Variants in PGBD5 observed in about 807,000 individuals in gnomAD.
PGBD5 encodes piggyBac transposable element derived 5, also known as piggyBac transposable element-derived protein 5.
Under a neutral mutation model 47.9 loss-of-function variants are expected in PGBD5, and 14 were observed. The ratio of observed to expected loss-of-function variants is 0.29; its 90% CI spans 0.19 to 0.46. The LOEUF is 0.46. PGBD5 is among the 20% of genes least tolerant of loss of function. PGBD5 has a pLI of 1.00. For missense variants in PGBD5, 635 were observed against 716.0 expected (o/e 0.89, Z 1.29); for synonymous variants, 316 against 306.3 (o/e 1.03, Z -0.33).
chr1:230,423,975 A>T (rs1222041490), intron 1 of PGBD5, among the ~76,000 whole-genome samples: 1 of 152,142 alleles, frequency 6.6e-6, no homozygotes, highest in East Asian at 1.9e-4. Context: ...GAAATATAAG[A>T]TGGATTTAAA....
intron 1 of PGBD5, among the ~76,000 whole-genome samples, chr1:230,361,384 G>C (rs1272314786): frequency 6.6e-6 from 1 of 152,086 alleles, no homozygotes; most frequent in Non-Finnish European, 1.5e-5. Context: ...CGGTGTCTGG[G>C]CTAGGATGAA....
intron 1 of PGBD5, among the ~76,000 whole-genome samples, chr1:230,370,492 G>A (rs1558202666): frequency 6.6e-6 from 1 of 152,196 alleles, no homozygotes; most frequent in East Asian, 1.9e-4. Flanking sequence ...GTGTTTATGT[G>A]CAGGCTTGTG....
At chr1:230,356,840 G>T (rs1039338956) in intron 2 of PGBD5, 54 bp downstream of exon 2, 6 of 1,566,660 alleles carry the variant, frequency 3.8e-6, no homozygotes, top group Admixed American at 3.5e-5. Context: ...GACAAGGCTA[G>T]GCCGAGAGAG....
At chr1:230,422,919 T>C (rs1476891591) in intron 1 of PGBD5, among the ~76,000 whole-genome samples, 1 of 151,760 alleles carries the variant, frequency 6.6e-6, no homozygotes, top group Non-Finnish European at 1.5e-5. Flanking sequence ...GGTGGGGGGA[T>C]GTGGCAACTC....
chr1:230,325,939 G>A (rs533964348), intron 5 of PGBD5, among the ~76,000 whole-genome samples: 4 of 144,982 alleles, frequency 2.8e-5, no homozygotes, highest in South Asian at 5.0e-4. Context: ...GAGTCACCCC[G>A]CACAGAGCAC....
intron 3 of PGBD5, among the ~76,000 whole-genome samples, chr1:230,347,927 G>T (rs1667500081): frequency 6.6e-6 from 1 of 152,160 alleles, no homozygotes; most frequent in African/African-American, 2.4e-5. Context: ...ATTTTCTCAT[G>T]GCCAGGGCAG....
At chr1:230,328,217 A>G (rs1040101148) in intron 5 of PGBD5, among the ~76,000 whole-genome samples, 1 of 152,130 alleles carries the variant, frequency 6.6e-6, no homozygotes, top group South Asian at 2.1e-4. Context: ...CACTGTCCCA[A>G]TCTACCTCAC....
At chr1:230,365,164 T>A (rs1188027401) in intron 1 of PGBD5, among the ~76,000 whole-genome samples, 3 of 148,340 alleles carry the variant, frequency 2.0e-5, no homozygotes, top group Non-Finnish European at 4.5e-5. Context: ...ATACAAAAAA[T>A]TAGCCAGGCG....
chr1:230,396,434 C>T (rs1656980081), intron 1 of PGBD5, among the ~76,000 whole-genome samples: 1 of 133,622 alleles, frequency 7.5e-6, no homozygotes, highest in Admixed American at 7.5e-5. Context: ...CCACCATCCT[C>T]CCTTTCACTC....
In PGBD5 at chr1:230,377,531, C is replaced by T. The variant is rs529101239; in HGVS notation, c.332-20210G>A. ...GAATCGCTTGGCTGCAGATCCCGGCCGGGCACTATGCTGAGCAACTGCAGC... is the reference window on the plus strand; with the variant it reads ...GAATCGCTTGGCTGCAGATCCCGGCTGGGCACTATGCTGAGCAACTGCAGC... On this transcript the variant is annotated intron_variant, in intron 1 of 6. Transcript: ENST00000391860. 76 of 1,612,522 alleles carry T rather than the reference C, an allele frequency of 4.7e-5. No homozygotes were observed. The East Asian group carries it at 8.5e-4, about 18-fold the overall frequency.
chr1:230,368,961 C>T (rs893228133), intron 1 of PGBD5, among the ~76,000 whole-genome samples: 4 of 152,252 alleles, frequency 2.6e-5, no homozygotes, highest in African/African-American at 9.6e-5. Context: ...AACGTGCTAC[C>T]ATTTTTGTAA....
chr1:230,383,326 A>G (rs1656558103), intron 1 of PGBD5, among the ~76,000 whole-genome samples: 1 of 150,714 alleles, frequency 6.6e-6, no homozygotes, highest in South Asian at 2.1e-4. Flanking sequence ...CACCCACCTC[A>G]GCTTCCCAAA....
At chr1:230,370,534 T>G (rs1667913531) in intron 1 of PGBD5, among the ~76,000 whole-genome samples, 1 of 152,336 alleles carries the variant, frequency 6.6e-6, no homozygotes, top group African/African-American at 2.4e-5. Context: ...CTTGATTCAC[T>G]TATTCTTTGA....
chr1:230,390,825 T>C (rs1656764691), intron 1 of PGBD5, among the ~76,000 whole-genome samples: 1 of 152,124 alleles, frequency 6.6e-6, no homozygotes, highest in Admixed American at 6.5e-5. Context: ...CTGCAACCTC[T>C]GTCTCCTGGG....
chr1:230,344,316 C>T (rs1270125859), intron 3 of PGBD5, among the ~76,000 whole-genome samples: 1 of 152,050 alleles, frequency 6.6e-6, no homozygotes, highest in African/African-American at 2.4e-5. Context: ...GATCTAGAGT[C>T]AGAATGGCTG....
At chr1:230,356,831 A>G (rs1218848781) in intron 2 of PGBD5, 63 bp downstream of exon 2, 7 of 1,542,354 alleles carry the variant, frequency 4.5e-6, no homozygotes, top group Non-Finnish European at 6.1e-6. Flanking sequence ...CTGCCAACAG[A>G]CAAGGCTAGG....
chr1:230,344,641 G>A (rs1473748282), intron 3 of PGBD5, among the ~76,000 whole-genome samples: 1 of 152,214 alleles, frequency 6.6e-6, no homozygotes, highest in Non-Finnish European at 1.5e-5. Context: ...ACCTCATTCA[G>A]AGTGTCCCTC....
intron 1 of PGBD5, among the ~76,000 whole-genome samples, chr1:230,408,908 T>G (rs1657352765): frequency 6.6e-6 from 1 of 151,474 alleles, no homozygotes; most frequent in African/African-American, 2.4e-5. Flanking sequence ...ATGAAGAGAG[T>G]GAAAAGACAA....
intron 1 of PGBD5, among the ~76,000 whole-genome samples, chr1:230,394,972 C>T (rs1255110556): frequency 7.0e-6 from 1 of 142,892 alleles, no homozygotes; most frequent in Non-Finnish European, 1.5e-5. Flanking sequence ...TCCTCTCGTT[C>T]CCACCTTCCT....
Sources: gnomAD v4.1 joint callset for allele counts (sites outside exome capture counted in the v4.1 genomes callset) on GRCh38, gnomAD v4.1.1 for gene constraint, MANE v1.5 for transcripts, NCBI Gene and HGNC (gene_info 2026-07-23, HGNC 2026-07-21) for gene names.